The following WNK2 variants were observed in gnomAD, a reference collection of about 807,000 sequenced individuals.
The protein encoded by WNK2 is WNK lysine deficient protein kinase 2, also known as serine/threonine-protein kinase WNK2.
A neutral mutation model predicts 192.1 loss-of-function variants in WNK2; 67 were observed. The observed-to-expected ratio is 0.35, with a 90% CI of 0.29 to 0.43. The LOEUF is 0.43. WNK2 is among the 20% of genes least tolerant of loss of function. The pLI is 1.00. For missense variants in WNK2, 2,698 were observed against 3,089.7 expected (o/e 0.87, Z 3.01); for synonymous variants, 1,439 against 1,393.9 (o/e 1.03, Z -0.72).
intron 20 of WNK2, 124 bp from the exon 21 acceptor site, chr9:93,289,854 A>G (rs1156893487): frequency 4.9e-6 from 5 of 1,015,504 alleles, no homozygotes; most frequent in Admixed American, 5.2e-5. Context: ...CCATCCATGC[A>G]CACACAGGGG....
chr9:93,256,222 G>C, intron 9 of WNK2, 77 bp from the exon 10 acceptor site: 1 of 1,399,658 alleles, frequency 7.1e-7, no homozygotes, highest in Non-Finnish European at 9.3e-7. Flanking sequence ...GATGACATGA[G>C]GCTACCCTGC....
At chr9:93,255,872 C>T (rs547223383) in intron 9 of WNK2, among the ~76,000 whole-genome samples, 109 of 152,286 alleles carry the variant, frequency 7.2e-4, no homozygotes, top group African/African-American at 2.4e-3. Flanking sequence ...GTGTTCACTC[C>T]GCCGCTGGAG....
At chr9:93,218,633 G>A (rs777042857) in intron 2 of WNK2, among the ~76,000 whole-genome samples, 1 of 152,196 alleles carries the variant, frequency 6.6e-6, no homozygotes, top group Non-Finnish European at 1.5e-5. Context: ...CCGAGGGTTC[G>A]AGCAGACATT....
chr9:93,214,524 A>C (rs1269092997), intron 2 of WNK2, among the ~76,000 whole-genome samples: 1 of 151,856 alleles, frequency 6.6e-6, no homozygotes, highest in Non-Finnish European at 1.5e-5. Flanking sequence ...GGGTGGTCTC[A>C]AACTCCTGAC....
intron 24 of WNK2, 73 bp from the exon 25 acceptor site, chr9:93,298,997 A>G (rs1851108124): frequency 8.1e-6 from 12 of 1,480,092 alleles, no homozygotes; most frequent in Non-Finnish European, 1.1e-5. Flanking sequence ...AAGCAGGCAG[A>G]ACAGACTCAA....
chr9:93,264,054 C>T (rs1844777309), intron 16 of WNK2, 21 bp downstream of exon 16: 1 of 1,583,166 alleles, frequency 6.3e-7, no homozygotes, highest in Non-Finnish European at 8.6e-7. Flanking sequence ...GTCTGGGTGG[C>T]TTGGCTCCCG....
intron 19 of WNK2, among the ~76,000 whole-genome samples, chr9:93,283,051 G>A (rs200665043): frequency 1.3e-5 from 2 of 152,032 alleles, no homozygotes; most frequent in Admixed American, 6.6e-5. Context: ...TATCTCATTC[G>A]GCAAAGAAGA....
intron 9 of WNK2, among the ~76,000 whole-genome samples, chr9:93,254,643 T>C (rs1843031322): frequency 6.6e-6 from 1 of 152,176 alleles, no homozygotes; most frequent in South Asian, 2.1e-4. Context: ...TGAAGTGAAA[T>C]ACAATTTTAA....
chr9:93,202,722 C>T (rs1429572004), intron 2 of WNK2, among the ~76,000 whole-genome samples: 1 of 151,946 alleles, frequency 6.6e-6, no homozygotes, highest in African/African-American at 2.4e-5. Context: ...TGATACTGGA[C>T]ACCACTGCAG....
intron 2 of WNK2, among the ~76,000 whole-genome samples, chr9:93,212,296 G>C (rs1192666819): frequency 1.3e-5 from 2 of 152,256 alleles, no homozygotes; most frequent in African/African-American, 4.8e-5. Flanking sequence ...GGATAGGTTA[G>C]TCATGCATAG....
rs558963507 is a variant in WNK2 at position 93,205,660 on chromosome 9, G to A, written c.681+20050G>A. ...CCTCATCCCGTGGGGAGGTATTTTT[G>A]GCACTGCTGAGGGATTTTATTTTAT... On this transcript the variant is annotated intron_variant, in intron 2 of 29. Coordinates refer to ENST00000427277, the MANE Select transcript of WNK2 (RefSeq NM_006648.4). Among the ~76,000 whole-genome samples the A allele has an allele frequency of 3.9e-5, 6 of 152,350 alleles. No individual in the cohort carries two copies. The East Asian group carries it at 1.2e-3, about 29-fold the overall frequency.
In WNK2 at chr9:93,300,914, A is replaced by C. The variant is rs368334792; in HGVS notation, c.6214+765A>C. Among the ~76,000 whole-genome samples, 39 of 152,330 alleles carry C rather than the reference A, an allele frequency of 2.6e-4. No homozygotes were observed. The East Asian group carries it at 3.3e-3, about 13-fold the overall frequency. ...TGGGCAGCTCTTCTTTGGAGCATGCATCCTGCTTGGCCGGCTCCTCCTCCT... is the reference window on the plus strand; with the variant it reads ...TGGGCAGCTCTTCTTTGGAGCATGCCTCCTGCTTGGCCGGCTCCTCCTCCT... On this transcript the variant is annotated intron_variant, in intron 26 of 29. Coordinates refer to ENST00000427277, the MANE Select transcript of WNK2 (RefSeq NM_006648.4).
In WNK2 at chr9:93,288,044, CA is replaced by C. The variant is rs550063867; in HGVS notation, c.4034-735del. ...CTGGGTGACAGAGCCAGACCATCTC[CA>C]AAAAAAAAGAAAGGTCGGGTTGCAT... On this transcript the variant is annotated intron_variant, in intron 19 of 29. Coordinates refer to ENST00000427277, the MANE Select transcript of WNK2 (RefSeq NM_006648.4). 8.6e-3 allele frequency among the ~76,000 whole-genome samples: 1,296 copies of C among 150,708 alleles called. 24 individuals carry two copies. Among genetic ancestry groups the C allele is most frequent in the African/African-American group, 0.03 (1,225 of 41,098 alleles).
intron 19 of WNK2, among the ~76,000 whole-genome samples, chr9:93,287,172 C>T (rs746067496): frequency 6.6e-6 from 1 of 152,034 alleles, no homozygotes; most frequent in Non-Finnish European, 1.5e-5. Flanking sequence ...ATGTTTTTTC[C>T]ATAATTAAAA....
rs1260934436 is a variant in WNK2 at position 93,251,214 on chromosome 9, C to T, written c.1835-1669C>T. The stretch of plus-strand genomic sequence containing the variant: ...CACTGCAACCACCATCTCCTGGGTT[C>T]AAGCTATTCTCCTGCCTCAGCCTCC... On this transcript the variant is annotated intron_variant, in intron 8 of 29. Transcript: ENST00000427277. 2.6e-5 allele frequency among the ~76,000 whole-genome samples: 4 copies of T among 152,254 alleles called. No individual in the cohort carries two copies. In the East Asian group the frequency reaches 7.7e-4, roughly 29 times the overall value.
intron 4 of WNK2, among the ~76,000 whole-genome samples, chr9:93,232,307 T>C (rs919909863): frequency 3.3e-5 from 5 of 152,264 alleles, no homozygotes; most frequent in African/African-American, 1.2e-4. Flanking sequence ...CCTCTGGCAT[T>C]CTGGGGGAGC....
chr9:93,235,110 G>A, intron 5 of WNK2, 145 bp downstream of exon 5: 1 of 1,014,262 alleles, frequency 9.9e-7, no homozygotes, highest in Non-Finnish European at 1.4e-6. Context: ...AAACTGAGGA[G>A]ATTGGCCATT....
chr9:93,212,089 C>T (rs1290250679), intron 2 of WNK2, among the ~76,000 whole-genome samples: 2 of 152,204 alleles, frequency 1.3e-5, no homozygotes, highest in African/African-American at 4.8e-5. Flanking sequence ...CATTCATCAT[C>T]GGTTCCCTCA....
At chr9:93,187,408 A>C (rs1004972732) in intron 2 of WNK2, among the ~76,000 whole-genome samples, 3 of 152,080 alleles carry the variant, frequency 2.0e-5, no homozygotes, top group African/African-American at 7.2e-5. Flanking sequence ...GTTCCTTGCC[A>C]GGATGTTACT....
Sources: allele counts gnomAD v4.1 joint callset (sites outside exome capture counted in the v4.1 genomes callset), GRCh38; gene constraint gnomAD v4.1.1; transcripts MANE v1.5; gene names NCBI Gene and HGNC (gene_info 2026-07-23, HGNC 2026-07-21).